The following ABCC1 variants were observed in gnomAD, a reference collection of about 807,000 sequenced individuals.
ABCC1 encodes ATP binding cassette subfamily C member 1 (ABCC1 blood group).
In ABCC1, 83 loss-of-function variants were observed where a neutral mutation model predicts 172.9. The observed-to-expected ratio is 0.48, with a 90% CI of 0.40 to 0.58. ABCC1 has a LOEUF of 0.58. ABCC1 is among the 20% of genes least tolerant of loss of function. The pLI, the probability that ABCC1 is intolerant of heterozygous loss-of-function variation, is 0.00. For synonymous variants in ABCC1, 937 were observed against 825.2 expected, an observed-to-expected ratio of 1.14 and a Z score of -2.32; for missense variants, 1,817 against 2,002.7, an observed-to-expected ratio of 0.91 and a Z score of 1.77.
chr16:16,114,577 G>A (rs1482667408), intron 22 of ABCC1, among the ~76,000 whole-genome samples, 189 bp from the exon 23 acceptor site: 1 of 152,076 alleles, frequency 6.6e-6, no homozygotes, highest in African/African-American at 2.4e-5. Context: ...CTGACCTCAA[G>A]TGATCCACCC....
At chr16:15,973,715 C>T (rs1022778913) in intron 1 of ABCC1, among the ~76,000 whole-genome samples, 2 of 151,946 alleles carry the variant, frequency 1.3e-5, no homozygotes, top group African/African-American at 4.8e-5. Context: ...GTGACTCATG[C>T]CTATAATCCC....
intron 19 of ABCC1, among the ~76,000 whole-genome samples, chr16:16,101,271 C>T (rs766277394): frequency 2.0e-5 from 3 of 152,072 alleles, no homozygotes; most frequent in Non-Finnish European, 4.4e-5. Context: ...TGGCCTCAAG[C>T]GATCTGCCCG....
At chr16:16,011,637 A>G (rs1439720076) in intron 3 of ABCC1, among the ~76,000 whole-genome samples, 2 of 151,900 alleles carry the variant, frequency 1.3e-5, no homozygotes, top group South Asian at 4.2e-4. Flanking sequence ...ATGCACCAAC[A>G]TGCCCATCTA....
chr16:15,974,128 CTG>C (rs2046431528), intron 1 of ABCC1, among the ~76,000 whole-genome samples: 1 of 152,202 alleles, frequency 6.6e-6, no homozygotes, highest in Admixed American at 6.5e-5. Context: ...TAAAAGAACA[CTG>C]TACCTTGCAG....
intron 1 of ABCC1, among the ~76,000 whole-genome samples, chr16:15,999,394 T>G (rs1374540333): frequency 3.3e-5 from 5 of 151,828 alleles, no homozygotes; most frequent in Admixed American, 2.0e-4. Context: ...GGTGGGCGGA[T>G]CACCTGAGGT....
chr16:15,999,814 CTCT>C, intron 1 of ABCC1, among the ~76,000 whole-genome samples: 1 of 40,118 alleles, frequency 2.5e-5, no homozygotes, highest in Non-Finnish European at 5.4e-5. Flanking sequence ...TCTCTCCTCT[CTCT>C]CTCTCTCTCT....
chr16:16,048,115 C>A, intron 9 of ABCC1, 27 bp from the exon 10 acceptor site: 2 of 1,612,964 alleles, frequency 1.2e-6, no homozygotes, highest in Non-Finnish European at 1.7e-6. Flanking sequence ...CCACACTCAC[C>A]CACCTTCCCT....
chr16:15,997,504 G>A (rs2047097606), intron 1 of ABCC1, among the ~76,000 whole-genome samples: 2 of 152,282 alleles, frequency 1.3e-5, no homozygotes, highest in Non-Finnish European at 2.9e-5. Context: ...TGGCTGAATT[G>A]TGTGTCTGGA....
In ABCC1 at chr16:16,114,803, C is replaced by A; in HGVS notation, c.3117C>A (p.Ile1039=). 1.2e-6 allele frequency: 2 copies of A among 1,607,644 alleles called. No individual in the cohort carries two copies. Among genetic ancestry groups the A allele is most frequent in the Non-Finnish European group, 1.7e-6 (2 of 1,174,580 alleles). The part of the protein sequence containing the change: ...AVFGYSMAVS[I]GGILASRCLH... ...TTGGCTACTCCATGGCCGTGTCCATCGGGGGGATCTTGGCTTCCCGCTGTC... is the reference window on the plus strand; with the variant it reads ...TTGGCTACTCCATGGCCGTGTCCATAGGGGGGATCTTGGCTTCCCGCTGTC... Residue 1039 remains isoleucine, a synonymous_variant, in exon 23 of 31, where the codon ATC becomes ATA. Coordinates refer to ENST00000399410, the MANE Select transcript of ABCC1 (RefSeq NM_004996.4).
intron 1 of ABCC1, among the ~76,000 whole-genome samples, chr16:15,965,943 G>GT (rs2046232845): frequency 6.6e-6 from 1 of 152,094 alleles, no homozygotes; most frequent in Non-Finnish European, 1.5e-5. Context: ...GGTAGAGTGC[G>GT]TATTGGCTTA....
chr16:16,058,915 G>A (rs1459556819), intron 12 of ABCC1, among the ~76,000 whole-genome samples: 4 of 152,216 alleles, frequency 2.6e-5, no homozygotes, highest in Non-Finnish European at 5.9e-5. Flanking sequence ...CTTGGCCTCC[G>A]AAAGTGCTGG....
In ABCC1 at chr16:16,114,111, G is replaced by C. The variant is rs1367892052; in HGVS notation, c.3080-655G>C. On this transcript the variant is annotated intron_variant, in intron 22 of 30. Coordinates refer to ENST00000399410, the MANE Select transcript of ABCC1 (RefSeq NM_004996.4). ...TAGAAGAATATGGCATGGGGATTAA[G>C]AGCAGGCTGTCTGGATTAAAATCCC... is the stretch of plus-strand genomic sequence containing the variant. Among the ~76,000 whole-genome samples the C allele has an allele frequency of 2.0e-5, 3 of 152,186 alleles. No homozygotes were observed. The East Asian group carries it at 5.8e-4, about 29-fold the overall frequency.
intron 1 of ABCC1, among the ~76,000 whole-genome samples, chr16:15,997,522 G>T (rs576243350): frequency 6.6e-6 from 1 of 152,268 alleles, no homozygotes; most frequent in East Asian, 1.9e-4. Context: ...GGAGAGTTGG[G>T]TCCTTCTGAT....
chr16:15,962,061 C>A (rs1446123535), intron 1 of ABCC1, among the ~76,000 whole-genome samples: 1 of 152,150 alleles, frequency 6.6e-6, no homozygotes, highest in African/African-American at 2.4e-5. Flanking sequence ...ATGGGCCCAC[C>A]AGCACTTATT....
At chr16:16,071,520 T>C in intron 13 of ABCC1, 122 bp from the exon 14 acceptor site, 1 of 695,334 alleles carries the variant, frequency 1.4e-6, no homozygotes, top group Non-Finnish European at 2.5e-6. Context: ...TGTGGGACCT[T>C]CAGAAATAAG....
chr16:16,071,599 G>A (rs1329220357), intron 13 of ABCC1, 43 bp from the exon 14 acceptor site: 1 of 1,584,330 alleles, frequency 6.3e-7, no homozygotes, highest in Non-Finnish European at 8.6e-7. Context: ...TTGCAAAAAT[G>A]CTTTTTAAAA....
At chr16:16,003,218 T>G (rs1430574529) in intron 1 of ABCC1, among the ~76,000 whole-genome samples, 1 of 146,024 alleles carries the variant, frequency 6.8e-6, no homozygotes, top group African/African-American at 2.6e-5. Flanking sequence ...AATTGGTGGA[T>G]GGGTAGGTGG....
chr16:16,021,705 TCAAA>T (rs2048200773), intron 5 of ABCC1, among the ~76,000 whole-genome samples: 1 of 152,124 alleles, frequency 6.6e-6, no homozygotes, highest in South Asian at 2.1e-4. Context: ...AGACCCTGTC[TCAAA>T]CAAACAACGA....
At chr16:16,134,622 GTTCTTTTTTTT>G in intron 28 of ABCC1, 114 bp downstream of exon 28, 1 of 574,762 alleles carries the variant, frequency 1.7e-6, no homozygotes, top group East Asian at 3.9e-5. Flanking sequence ...CTACTTCATC[GTTCTTTTTTTT>G]TTTTTTTTTT....
Sources: allele counts gnomAD v4.1 joint callset (sites outside exome capture counted in the v4.1 genomes callset), GRCh38; gene constraint gnomAD v4.1.1; transcripts MANE v1.5; gene names NCBI Gene and HGNC (gene_info 2026-07-23, HGNC 2026-07-21).